The following PRKAG2 variants were observed in gnomAD, a reference collection of about 807,000 sequenced individuals.
The protein encoded by PRKAG2 is 5'-AMP-activated protein kinase subunit gamma-2.
Under a neutral mutation model 69.6 loss-of-function variants are expected in PRKAG2, and 26 were observed. The observed-to-expected ratio is 0.37, with a 90% confidence interval of 0.27 to 0.52. The LOEUF is 0.52. PRKAG2 is among the 20% of genes least tolerant of loss of function. The pLI, the probability that PRKAG2 is intolerant of heterozygous loss-of-function variation, is 0.90. For synonymous variants in PRKAG2, 293 were observed against 285.0 expected (o/e 1.03, Z -0.28); for missense variants, 557 against 740.0 (o/e 0.75, Z 2.87).
At chr7:151,562,275 G>T (rs1222091031) in intron 14 of PRKAG2, among the ~76,000 whole-genome samples, 22 of 120,298 alleles carry the variant, frequency 1.8e-4, no homozygotes, top group African/African-American at 6.1e-4. Flanking sequence ...AAAAAAAAAG[G>T]CTTCAGAACC....
At chr7:151,856,432 C>T (rs1441359000) in intron 1 of PRKAG2, among the ~76,000 whole-genome samples, 1 of 152,240 alleles carries the variant, frequency 6.6e-6, no homozygotes, top group African/African-American at 2.4e-5. Flanking sequence ...ATTTTGCCTT[C>T]TTCATTGCCC....
At position 151,781,986 on chromosome 7, in the gene PRKAG2, A is replaced by G. The variant is rs2076693972; in HGVS notation, c.187-555T>C. On this transcript the variant is annotated intron_variant, in intron 2 of 15. Coordinates refer to ENST00000287878, the MANE Select transcript of PRKAG2 (RefSeq NM_016203.4). The surrounding 1 kb of genome is among the most constrained non-coding windows in gnomAD (Gnocchi z 6.1). ...CAGAAGTCAGGAGAAAAGTTCACAA[A>G]GCCAGCCGGGTACGGTGACTCACGC... Among the ~76,000 whole-genome samples the G allele has an allele frequency of 6.6e-6, 1 of 152,108 alleles. No individual in the cohort carries two copies. Among genetic ancestry groups the G allele is most frequent in the African/African-American group, 2.4e-5 (1 of 41,398 alleles).
At chr7:151,689,761 C>T (rs765604132) in intron 3 of PRKAG2, among the ~76,000 whole-genome samples, 18 of 152,176 alleles carry the variant, frequency 1.2e-4, no homozygotes, top group Non-Finnish European at 2.2e-4. Flanking sequence ...TCATCTGACG[C>T]CACCCCGGCA....
At chr7:151,688,832 G>C (rs147688911) in intron 3 of PRKAG2, among the ~76,000 whole-genome samples, 327 of 152,194 alleles carry the variant, frequency 2.1e-3, no homozygotes, top group African/African-American at 7.7e-3. Flanking sequence ...ATCACTTCGG[G>C]GCCCTTCTAA....
At chr7:151,626,300 C>T (rs904654236) in intron 5 of PRKAG2, among the ~76,000 whole-genome samples, 1 of 152,154 alleles carries the variant, frequency 6.6e-6, no homozygotes, top group Non-Finnish European at 1.5e-5. Flanking sequence ...CTCACCAAGT[C>T]GGAGACACCA....
intron 15 of PRKAG2, chr7:151,559,823 G>C (rs146585284): frequency 1.0e-6 from 1 of 985,218 alleles, no homozygotes; most frequent in African/African-American, 1.7e-5. Flanking sequence ...TTTGACTGGG[G>C]CTGGGGAGGT....
chr7:151,557,073 TG>T lies in PRKAG2; in HGVS notation c.*127del. 6.9e-7 allele frequency: 1 copy of T among 1,453,250 alleles called. No homozygotes were observed. The highest frequency in any genetic ancestry group is 9.6e-7 in the Non-Finnish European group (1 of 1,041,110). 90.0% of individuals were successfully genotyped at this position (1,453,250 alleles called of 1,614,324 possible). ...TTTTTAAGCTTAATTTCAACATCACTGGAAGAAATACCTATTGTTAAACCCT... is the reference window on the plus strand; with the variant it reads ...TTTTTAAGCTTAATTTCAACATCACTGAAGAAATACCTATTGTTAAACCCT... On this transcript the variant is annotated 3_prime_UTR_variant, in exon 16 of 16. Transcript: ENST00000287878.
At chr7:151,735,770 G>A (rs1799679494) in intron 3 of PRKAG2, 5 of 1,272,976 alleles carry the variant, frequency 3.9e-6, no homozygotes, top group South Asian at 2.8e-5. Flanking sequence ...TCTAACCACC[G>A]CCTGATGTTA....
In PRKAG2 at chr7:151,675,456, T is replaced by C. The variant is rs751742816; in HGVS notation, c.648A>G (p.Pro216=). ...GAGCATAGTGTGTCGGTGATGCCAGTGGAGGCCTGGTCGGGCTCTGGAAGG... is the reference window on the plus strand; with the variant it reads ...GAGCATAGTGTGTCGGTGATGCCAGCGGAGGCCTGGTCGGGCTCTGGAAGG... ...PSSFQSPTRP[P]LASPTHYAPS... Residue 216 remains proline (P), a synonymous_variant, in exon 4 of 16, where the codon CCA becomes CCG. Coordinates refer to ENST00000287878, the MANE Select transcript of PRKAG2 (RefSeq NM_016203.4). 1 of 1,613,990 alleles carries C rather than the reference T, an allele frequency of 6.2e-7. No individual in the cohort carries two copies. The highest frequency in any genetic ancestry group is 1.3e-5 in the African/African-American group (1 of 74,908).
At chr7:151,844,733 A>G (rs1317651673) in intron 1 of PRKAG2, among the ~76,000 whole-genome samples, 1 of 152,224 alleles carries the variant, frequency 6.6e-6, no homozygotes, top group Non-Finnish European at 1.5e-5. Flanking sequence ...TGTGACCTCC[A>G]TGAGTGAGGG....
At position 151,836,688 on chromosome 7, in the gene PRKAG2, G is replaced by A. The variant is rs917314107; in HGVS notation, c.114+39819C>T. Reference sequence around the variant, plus strand: ...CGGGGCACAGGAGGGCGTGTATGCGGGTCCTCCAGGGTCCTCAGGCCACAG... The same window carrying A: ...CGGGGCACAGGAGGGCGTGTATGCGAGTCCTCCAGGGTCCTCAGGCCACAG... On this transcript the variant is annotated intron_variant, in intron 1 of 15. Transcript: ENST00000287878. The surrounding 1 kb of genome is among the most constrained non-coding windows in gnomAD (Gnocchi z 4.1). 6.6e-6 allele frequency among the ~76,000 whole-genome samples: 1 copy of A among 152,164 alleles called. No individual in the cohort carries two copies. The highest frequency in any genetic ancestry group is 2.4e-5 in the African/African-American group (1 of 41,462).
At chr7:151,620,788 G>A (rs947135667) in intron 5 of PRKAG2, among the ~76,000 whole-genome samples, 9 of 72,854 alleles carry the variant, frequency 1.2e-4, no homozygotes, top group Non-Finnish European at 2.1e-4. Flanking sequence ...CTCCTTAATA[G>A]ATTAAAAAAA....
chr7:151,800,714 G>A (rs552449664), intron 1 of PRKAG2, among the ~76,000 whole-genome samples: 72 of 152,336 alleles, frequency 4.7e-4, no homozygotes, highest in Middle Eastern at 3.4e-3. Context: ...TTTCTAGGGC[G>A]GTGGAACCGC....
chr7:151,623,973 G>T (rs1054156743), intron 5 of PRKAG2, among the ~76,000 whole-genome samples: 2 of 152,066 alleles, frequency 1.3e-5, no homozygotes, highest in African/African-American at 2.4e-5. Flanking sequence ...TGTGGAAAAT[G>T]ATTCATAAAA....
chr7:151,729,217 C>G (rs1798516249), intron 3 of PRKAG2, among the ~76,000 whole-genome samples: 1 of 152,068 alleles, frequency 6.6e-6, no homozygotes, highest in Non-Finnish European at 1.5e-5. Context: ...GTGGAGAGTT[C>G]TCAAATTGTG....
At position 151,744,068 on chromosome 7, in the gene PRKAG2, C is replaced by T. The variant is rs547538213; in HGVS notation, c.466+37084G>A. On this transcript the variant is annotated intron_variant, in intron 3 of 15. Transcript: ENST00000287878. ...TGCAGATGGGCTCGAAGATGGAGCA[C>T]GGTCACCCCTGCTTCCTGCACATGA... Among the ~76,000 whole-genome samples, 17 of 152,306 alleles carry T rather than the reference C, an allele frequency of 1.1e-4. No individual in the cohort carries two copies. In the East Asian group the frequency reaches 2.5e-3, roughly 23 times the overall value.
intron 3 of PRKAG2, among the ~76,000 whole-genome samples, chr7:151,684,654 G>C (rs567086478): frequency 7.2e-5 from 11 of 152,252 alleles, no homozygotes; most frequent in African/African-American, 2.6e-4. Flanking sequence ...CTTGCCTGGG[G>C]GACAGGAGTG....
chr7:151,793,121 C>G (rs2077342795), intron 1 of PRKAG2, among the ~76,000 whole-genome samples: 1 of 152,224 alleles, frequency 6.6e-6, no homozygotes, highest in Non-Finnish European at 1.5e-5. Context: ...TAGGCGAGAT[C>G]AGGAACATTG....
In PRKAG2 at chr7:151,688,011, G is replaced by GGGAGGAGGA. The variant is rs144406628; in HGVS notation, c.467-12383_467-12375dup. Among the ~76,000 whole-genome samples the GGGAGGAGGA allele has an allele frequency of 2.4e-5, 3 of 126,172 alleles. 1 individual carries two copies. The highest frequency in any genetic ancestry group is 5.0e-5 in the Non-Finnish European group (3 of 59,660). The allele number at this position is 126,172 out of a possible 152,430, so 82.8% of individuals were successfully genotyped here. A position where few individuals can be genotyped will look rare whatever the true frequency, so the allele number is the denominator to read the frequency against. ...TTGGCACTTTGGGTTTGGAAGGGGA[G>GGGAGGAGGA]GGAGGAGGAGGAGGAGGAGGAGGAA... On this transcript the variant is annotated intron_variant, in intron 3 of 15. Coordinates refer to ENST00000287878, the MANE Select transcript of PRKAG2 (RefSeq NM_016203.4).
Sources: gnomAD v4.1 joint callset for allele counts (sites outside exome capture counted in the v4.1 genomes callset) on GRCh38, gnomAD v4.1.1 for gene constraint, Gnocchi (gnomAD v3.1) non-coding constraint, MANE v1.5 for transcripts, NCBI Gene and HGNC (gene_info 2026-07-23, HGNC 2026-07-21) for gene names.